The following NMD3 variants were observed in gnomAD, a reference collection of about 807,000 sequenced individuals.
The protein encoded by NMD3 is 60S ribosomal export protein NMD3.
In NMD3, 47 loss-of-function variants were observed where a neutral mutation model predicts 73.1. The observed-to-expected ratio is 0.64, with a 90% CI of 0.51 to 0.82. The LOEUF (loss-of-function observed/expected upper bound fraction) is 0.82. NMD3 is among the 40% of genes least tolerant of loss of function. The pLI, the probability that NMD3 is intolerant of heterozygous loss-of-function variation, is 0.00. For synonymous variants in NMD3, 210 were observed against 194.5 expected, an observed-to-expected ratio of 1.08 and a Z score of -0.66; for missense variants, 554 against 612.5, an observed-to-expected ratio of 0.90 and a Z score of 1.01.
At chr3:161,252,952 A>G (rs1737545566), downstream of NMD3, 3 of 495,160 alleles carry the variant, frequency 6.1e-6, no homozygotes, top group Admixed American at 1.0e-4. Flanking sequence ...TGCAAAAATT[A>G]TCCGGGCGTG....
At chr3:161,233,185 A>C (rs1736607267) in intron 4 of NMD3, among the ~76,000 whole-genome samples, 1 of 151,332 alleles carries the variant, frequency 6.6e-6, no homozygotes, top group Non-Finnish European at 1.5e-5. Context: ...AAATTATATC[A>C]GTTGCATTAA....
intron 4 of NMD3, among the ~76,000 whole-genome samples, chr3:161,229,322 C>T (rs930724472): frequency 2.0e-5 from 3 of 152,282 alleles, no homozygotes; most frequent in Admixed American, 2.0e-4. Flanking sequence ...TTGTAATAAT[C>T]ATGAGAAATG....
intron 1 of NMD3, 168 bp downstream of exon 1, chr3:161,221,577 G>C (rs1365682374): frequency 6.5e-6 from 1 of 153,446 alleles, no homozygotes; most frequent in Non-Finnish European, 1.5e-5. Context: ...TGGCCCTCGG[G>C]CGCCGGGACG....
chr3:161,222,147 G>T, intron 2 of NMD3, 90 bp downstream of exon 2: 2 of 994,692 alleles, frequency 2.0e-6, no homozygotes, highest in South Asian at 1.3e-5. Context: ...GAGGGTGGGT[G>T]GGAAAGAGCG....
At chr3:161,225,113 AG>A in intron 3 of NMD3, 49 bp downstream of exon 3, 1 of 1,556,056 alleles carries the variant, frequency 6.4e-7, no homozygotes, top group Admixed American at 1.9e-5. Flanking sequence ...ATTTACATTT[AG>A]AGAACCACCG....
intron 4 of NMD3, among the ~76,000 whole-genome samples, chr3:161,228,061 AT>A (rs1012290011): frequency 2.7e-5 from 4 of 148,478 alleles, no homozygotes; most frequent in Middle Eastern, 6.8e-3. Context: ...GCATAAATGT[AT>A]TAAAAAAAAT....
chr3:161,247,341 A>C lies in NMD3; in HGVS notation c.1203+11A>C. 6.3e-7 allele frequency: 1 copy of C among 1,579,504 alleles called. No individual in the cohort carries two copies. The highest frequency in any genetic ancestry group is 8.7e-7 in the Non-Finnish European group (1 of 1,149,226). On this transcript the variant is annotated intron_variant, in intron 13 of 15. Coordinates refer to ENST00000351193, the MANE Select transcript of NMD3 (RefSeq NM_015938.5). The stretch of plus-strand genomic sequence containing the variant: ...AGAGTTCCAGATGTGGTAAGGCTTT[A>C]GATTTTTCCCTTTTTTCCTGTGTTA...
At chr3:161,225,192 T>G (rs1477747999) in intron 3 of NMD3, 128 bp downstream of exon 3, 6 of 1,026,910 alleles carry the variant, frequency 5.8e-6, no homozygotes, top group Non-Finnish European at 8.3e-6. Context: ...AATTTTCTGT[T>G]GGTGTCGCCA....
chr3:161,252,963 G>A (rs1737546196), downstream of NMD3: 1 of 462,650 alleles, frequency 2.2e-6, no homozygotes, highest in Non-Finnish European at 3.9e-6. Flanking sequence ...TCCGGGCGTG[G>A]TGGTGCACAC....
intron 14 of NMD3, 174 bp downstream of exon 14, chr3:161,249,734 C>T (rs1737404721): frequency 1.6e-6 from 1 of 623,456 alleles, no homozygotes; most frequent in Admixed American, 3.0e-5. Context: ...AGACATTTAA[C>T]ACAGATTTAG....
chr3:161,225,847 T>C, intron 3 of NMD3, among the ~76,000 whole-genome samples: 1 of 152,194 alleles, frequency 6.6e-6, no homozygotes, highest in Middle Eastern at 3.4e-3. Flanking sequence ...TGTATATATG[T>C]AAAAATATAT....
At chr3:161,232,157 T>A (rs1257360167) in intron 4 of NMD3, among the ~76,000 whole-genome samples, 3 of 135,390 alleles carry the variant, frequency 2.2e-5, no homozygotes, top group South Asian at 5.0e-4. Context: ...TTTTTTTTTT[T>A]AACCACTGCT....
At chr3:161,234,285 A>G (rs1027801907) in intron 5 of NMD3, among the ~76,000 whole-genome samples, 1 of 151,994 alleles carries the variant, frequency 6.6e-6, no homozygotes, top group Non-Finnish European at 1.5e-5. Context: ...TACTAAAAAT[A>G]CAAAAGTTAG....
At chr3:161,252,924 C>A, downstream of NMD3, 2 of 564,640 alleles carry the variant, frequency 3.5e-6, no homozygotes, top group South Asian at 4.2e-5. Context: ...CATAGTGAAA[C>A]CCTGTCTCTA....
chr3:161,253,526 G>C (rs1026311393), downstream of NMD3: 13 of 150,614 alleles, frequency 8.6e-5, no homozygotes, highest in Admixed American at 8.7e-4. Flanking sequence ...GTAAAATGCA[G>C]ACATGATGCT....
rs1012868470 is a variant in NMD3, at chr3:161,224,862, G to A, written c.45-68G>A. 1.1e-5 allele frequency: 16 copies of A among 1,436,420 alleles called. No individual in the cohort carries two copies. The South Asian group carries it at 1.2e-4, about 11-fold the overall frequency. The allele number at this position is 1,436,420 out of a possible 1,614,324, so 89.0% of individuals were successfully genotyped here. ...TAACTTGAAGGCTTTTGTTTGTTTG[G>A]CATCTAAAAAAAAATTTAGTGTATT... is the stretch of plus-strand genomic sequence containing the variant. On this transcript the variant is annotated intron_variant, in intron 2 of 15. Transcript: ENST00000351193.
intron 3 of NMD3, 56 bp downstream of exon 3, chr3:161,225,120 C>A: frequency 1.3e-6 from 2 of 1,544,842 alleles, no homozygotes; most frequent in South Asian, 1.2e-5. Context: ...TTTAGAGAAC[C>A]ACCGAGATAT....
intron 9 of NMD3, among the ~76,000 whole-genome samples, chr3:161,239,500 C>A (rs1341868032): frequency 6.6e-6 from 1 of 152,108 alleles, no homozygotes; most frequent in East Asian, 1.9e-4. Flanking sequence ...TTATTGTGAC[C>A]ATTCTACATA....
At chr3:161,235,772 C>T (rs780137266) in intron 7 of NMD3, among the ~76,000 whole-genome samples, 3 of 151,942 alleles carry the variant, frequency 2.0e-5, no homozygotes, top group Non-Finnish European at 4.4e-5. Context: ...TACCATTTTC[C>T]AAGAAAAACC....
Sources: allele counts gnomAD v4.1 joint callset (sites outside exome capture counted in the v4.1 genomes callset), GRCh38; gene constraint gnomAD v4.1.1; transcripts MANE v1.5; gene names NCBI Gene and HGNC (gene_info 2026-07-23, HGNC 2026-07-21).